FAM114A1: variants seen among roughly 807,000 people sequenced by gnomAD.
FAM114A1 encodes protein NOXP20.
In FAM114A1, 62 loss-of-function variants were observed where a neutral mutation model predicts 64.3. The observed-to-expected ratio is 0.96, with a 90% CI of 0.79 to 1.19. The LOEUF (loss-of-function observed/expected upper bound fraction) is 1.19, where lower values mean the gene tolerates loss of function less well. Ranked by LOEUF, FAM114A1 falls within the 50% of genes most tolerant of loss-of-function variation. The pLI is 0.00. For synonymous variants in FAM114A1, 254 were observed against 251.1 expected (o/e 1.01, Z -0.11); for missense variants, 645 against 676.3 (o/e 0.95, Z 0.51).
intron 13 of FAM114A1, among the ~76,000 whole-genome samples, chr4:38,939,309 C>T (rs982758523): frequency 1.3e-5 from 2 of 152,296 alleles, no homozygotes; most frequent in South Asian, 2.1e-4. Context: ...AACAATACCT[C>T]TGATCTTGTG....
chr4:38,906,938 G>A (rs1415338682), intron 6 of FAM114A1, among the ~76,000 whole-genome samples: 2 of 152,078 alleles, frequency 1.3e-5, no homozygotes, highest in Non-Finnish European at 2.9e-5. Context: ...AACATGATTA[G>A]CCCTCACTAT....
At chr4:38,899,789 T>C (rs1045243073) in intron 4 of FAM114A1, among the ~76,000 whole-genome samples, 1 of 152,228 alleles carries the variant, frequency 6.6e-6, no homozygotes, top group African/African-American at 2.4e-5. Flanking sequence ...TATGTAACTA[T>C]GTAGGAGTTG....
Position 38,931,400 on chromosome 4 carries a change from A to C in FAM114A1, c.1162-51A>C, listed in dbSNP as rs369569027. On this transcript the variant is annotated intron_variant, in intron 10 of 14. Transcript: ENST00000358869. ...TCTAGTCTTGGGGTTGGAATGACTT[A>C]GTTTCCATATTTGCGCCATAAAAGG... The C allele has an allele frequency of 1.9e-5, 29 of 1,551,512 alleles. No individual in the cohort carries two copies. The African/African-American group carries it at 3.6e-4, about 19-fold the overall frequency.
intron 2 of FAM114A1, among the ~76,000 whole-genome samples, chr4:38,868,808 C>T (rs1210223116): frequency 2.0e-5 from 3 of 152,222 alleles, no homozygotes; most frequent in Non-Finnish European, 4.4e-5. Context: ...CTCTCTGCAG[C>T]CTAGTGGCTC....
chr4:38,915,265 A>G (rs1718935350), intron 8 of FAM114A1, among the ~76,000 whole-genome samples, 192 bp downstream of exon 8: 1 of 152,064 alleles, frequency 6.6e-6, no homozygotes, highest in Non-Finnish European at 1.5e-5. Flanking sequence ...ATGCTAAGCT[A>G]TTACCCCACC....
At chr4:38,938,491 G>C (rs1317726211) in intron 13 of FAM114A1, 1 of 152,190 alleles carries the variant, frequency 6.6e-6, no homozygotes, top group Non-Finnish European at 1.5e-5. Flanking sequence ...GAGCTTCACT[G>C]TATACAAGCA....
In FAM114A1 at chr4:38,943,886, G is replaced by A. The variant is rs1721768659; in HGVS notation, c.*329G>A. On this transcript the variant is annotated 3_prime_UTR_variant, in exon 15 of 15. Coordinates refer to ENST00000358869, the MANE Select transcript of FAM114A1 (RefSeq NM_138389.4). ...AGCATGCTATATTTAGAAACTCATG[G>A]GGAGACCTTAGACTTTTGTTTAATC... The A allele has an allele frequency of 4.6e-6, 1 of 215,994 alleles. No individual in the cohort carries two copies. The highest frequency in any genetic ancestry group is 2.2e-5 in the African/African-American group (1 of 44,694). 13.4% of individuals were successfully genotyped at this position (215,994 alleles called of 1,614,324 possible). A position where few individuals can be genotyped will look rare whatever the true frequency, so the allele number is the denominator to read the frequency against.
intron 10 of FAM114A1, among the ~76,000 whole-genome samples, chr4:38,930,115 G>C (rs1321387255): frequency 6.6e-6 from 1 of 152,130 alleles, no homozygotes; most frequent in East Asian, 1.9e-4. Flanking sequence ...CTCCCACCTG[G>C]AGCACAGGGG....
intron 6 of FAM114A1, among the ~76,000 whole-genome samples, chr4:38,906,886 T>G (rs1560308880): frequency 6.6e-6 from 1 of 150,510 alleles, no homozygotes; most frequent in Non-Finnish European, 1.5e-5. Context: ...CATTTAGTCA[T>G]TCATTCATTC....
chr4:38,893,244 C>T (rs895700118), intron 4 of FAM114A1, among the ~76,000 whole-genome samples: 2 of 152,228 alleles, frequency 1.3e-5, no homozygotes, highest in African/African-American at 4.8e-5. Flanking sequence ...TTAGAAGTGA[C>T]ATGCTTTCTA....
At chr4:38,907,069 G>A (rs541701974) in intron 6 of FAM114A1, among the ~76,000 whole-genome samples, 5 of 152,260 alleles carry the variant, frequency 3.3e-5, no homozygotes, top group African/African-American at 9.6e-5. Flanking sequence ...TGAGGGCTGC[G>A]GTCAAACATG....
intron 7 of FAM114A1, 89 bp from the exon 8 acceptor site, chr4:38,914,832 A>G (rs2109718948): frequency 7.0e-7 from 1 of 1,436,772 alleles, no homozygotes; most frequent in South Asian, 1.5e-5. Flanking sequence ...CCAACACAAA[A>G]TCAGTCCTCC....
rs528521780 is a variant in FAM114A1 at position 38,911,468 on chromosome 4, TCA to T, written c.792+2746_792+2747del. On this transcript the variant is annotated intron_variant, in intron 7 of 14. Transcript: ENST00000358869. ...GGAGGGAGGTCTGCAGGTTGCACTG[TCA>T]CACCCTCCACTGGAGGCAATTGCAC... Among the ~76,000 whole-genome samples, 85 of 152,328 alleles carry T rather than the reference TCA, an allele frequency of 5.6e-4. 1 individual carries two copies. The East Asian group carries it at 0.015, about 27-fold the overall frequency.
chr4:38,942,785 G>C (rs1019223279), intron 14 of FAM114A1, among the ~76,000 whole-genome samples: 1 of 152,106 alleles, frequency 6.6e-6, no homozygotes. Context: ...CTGTAGGGTG[G>C]GGCAAACTGA....
intron 2 of FAM114A1, 138 bp from the exon 3 acceptor site, chr4:38,877,933 C>T: frequency 7.2e-6 from 5 of 696,850 alleles, no homozygotes; most frequent in Non-Finnish European, 1.2e-5. Context: ...CATTGCACTC[C>T]AGCCTAGGCA....
At chr4:38,876,369 C>T (rs1714637579) in intron 2 of FAM114A1, among the ~76,000 whole-genome samples, 1 of 151,818 alleles carries the variant, frequency 6.6e-6, no homozygotes. Flanking sequence ...AGGGTTTCAC[C>T]ATGTTGGCCT....
intron 3 of FAM114A1, among the ~76,000 whole-genome samples, chr4:38,885,611 CTT>C (rs775716082): frequency 2.0e-4 from 31 of 152,266 alleles, no homozygotes; most frequent in Admixed American, 4.6e-4. Context: ...TCTAGAACCC[CTT>C]TCAGATATTG....
chr4:38,889,805 A>G (rs923930665), intron 3 of FAM114A1, among the ~76,000 whole-genome samples: 3 of 152,206 alleles, frequency 2.0e-5, no homozygotes, highest in Non-Finnish European at 2.9e-5. Flanking sequence ...ATAGTAGTTC[A>G]CAAAATAGTG....
At chr4:38,925,061 T>C (rs555969442) in intron 9 of FAM114A1, among the ~76,000 whole-genome samples, 2 of 152,356 alleles carry the variant, frequency 1.3e-5, no homozygotes, top group East Asian at 3.9e-4. Context: ...AAGTGATGTG[T>C]TCTAGTCTTA....
Sources: gnomAD v4.1 joint callset for allele counts (sites outside exome capture counted in the v4.1 genomes callset) on GRCh38, gnomAD v4.1.1 for gene constraint, MANE v1.5 for transcripts, NCBI Gene and HGNC (gene_info 2026-07-23, HGNC 2026-07-21) for gene names.